CLSPN: variants seen among roughly 807,000 people sequenced by gnomAD.
CLSPN encodes claspin homolog.
CLSPN carries 85 observed loss-of-function variants against 156.3 expected under a neutral mutation model. The ratio of observed to expected loss-of-function variants is 0.54; its 90% CI spans 0.46 to 0.65. The LOEUF (loss-of-function observed/expected upper bound fraction) is 0.65. Ranked by LOEUF, CLSPN falls within the 30% of genes least tolerant of loss-of-function variation. The pLI is 0.00. For synonymous variants in CLSPN, 534 were observed against 542.4 expected, an observed-to-expected ratio of 0.98 and a Z score of 0.22; for missense variants, 1,407 against 1,554.9, an observed-to-expected ratio of 0.90 and a Z score of 1.60.
In CLSPN at chr1:35,758,801, C is replaced by CTTTTTTTT. The variant is rs34271691; in HGVS notation, c.1579+1533_1579+1540dup. Among the ~76,000 whole-genome samples, 17 of 138,294 alleles carry CTTTTTTTT rather than the reference C, an allele frequency of 1.2e-4. 1 individual carries two copies. The highest frequency in any genetic ancestry group is 1.7e-4 in the Non-Finnish European group (11 of 65,250). 90.7% of individuals were successfully genotyped at this position (138,294 alleles called of 152,430 possible). On this transcript the variant is annotated intron_variant, in intron 8 of 24. Coordinates refer to ENST00000318121, the MANE Select transcript of CLSPN (RefSeq NM_022111.4). ...AGTCATATAGTGCTTTTTTCTTTTT[C>CTTTTTTTT]TTTTTTTTTTTTTTTGAGACAGGAT...
intron 10 of CLSPN, among the ~76,000 whole-genome samples, chr1:35,750,214 T>C (rs1382785418): frequency 1.3e-5 from 2 of 152,062 alleles, no homozygotes; most frequent in African/African-American, 2.4e-5. Context: ...CTCAAGTTGC[T>C]GGGCATGGTG....
intron 1 of CLSPN, among the ~76,000 whole-genome samples, chr1:35,768,533 G>C (rs914035499): frequency 6.6e-6 from 1 of 151,594 alleles, no homozygotes; most frequent in African/African-American, 2.4e-5. Context: ...TCAGCCACCC[G>C]AGTAGCTGGG....
At chr1:35,741,707 G>A (rs1348098831) in intron 18 of CLSPN, among the ~76,000 whole-genome samples, 1 of 152,090 alleles carries the variant, frequency 6.6e-6, no homozygotes, top group Non-Finnish European at 1.5e-5. Flanking sequence ...AGGTGGGGTG[G>A]CTCACGCCTG....
At chr1:35,724,531 C>A (rs1292791778) in intron 24 of CLSPN, among the ~76,000 whole-genome samples, 1 of 152,222 alleles carries the variant, frequency 6.6e-6, no homozygotes, top group Non-Finnish European at 1.5e-5. Flanking sequence ...AAGCACGATC[C>A]TGGATTACAA....
Position 35,769,845 on chromosome 1 carries a change from A to C in CLSPN, c.24+2T>G. 6.3e-7 allele frequency: 1 copy of C among 1,598,090 alleles called. No homozygotes were observed. Among genetic ancestry groups the C allele is most frequent in the Admixed American group, 1.7e-5 (1 of 58,770 alleles). The stretch of plus-strand genomic sequence containing the variant: ...CCGTGGGGGGCGTGTGCATAAACTC[A>C]CCTCAGAACCCACCTCGCCTGTCAT... On this transcript the variant is annotated splice_donor_variant, in intron 1 of 24. Coordinates refer to ENST00000318121, the MANE Select transcript of CLSPN (RefSeq NM_022111.4). LOFTEE classifies it high-confidence loss of function.
chr1:35,743,518 G>A lies in CLSPN; in HGVS notation c.2979C>T (p.Asp993=), dbSNP rs367902796. ...GAAAGTCTCCAAATTCCTCCTCCTC[G>A]TCTTCCTCTTCCCTAAAATGTAAAT... ...GSFPTDKEEE[D]EEEEFGDFRL... Residue 993 remains aspartate, a synonymous_variant, in exon 17 of 25, where the codon GAC becomes GAT. Coordinates refer to ENST00000318121, the MANE Select transcript of CLSPN (RefSeq NM_022111.4). 38 of 1,612,308 alleles carry A rather than the reference G, an allele frequency of 2.4e-5. 1 individual carries two copies. The highest frequency in any genetic ancestry group is 9.4e-5 in the African/African-American group (7 of 74,772).
rs1270084208 is a variant in CLSPN, at chr1:35,734,308, T to C, written c.*2188A>G. On this transcript the variant is annotated 3_prime_UTR_variant, in exon 25 of 25. Coordinates refer to ENST00000318121, the MANE Select transcript of CLSPN (RefSeq NM_022111.4). ...CTACATACATATTAAAACATCTTTATACACATTTTCCCCATTATAAGATTA... is the reference window on the plus strand; with the variant it reads ...CTACATACATATTAAAACATCTTTACACACATTTTCCCCATTATAAGATTA... 3.0e-6 allele frequency: 3 copies of C among 984,822 alleles called. No individual in the cohort carries two copies. Among genetic ancestry groups the C allele is most frequent in the Admixed American group, 1.2e-4 (2 of 16,272 alleles). 61.0% of individuals were successfully genotyped at this position (984,822 alleles called of 1,614,324 possible). A position where few individuals can be genotyped will look rare whatever the true frequency, so the allele number is the denominator to read the frequency against.
chr1:35,746,513 G>C lies in CLSPN; in HGVS notation c.2854+253C>G, dbSNP rs1641886424. Reference sequence around the variant, plus strand: ...AGGCTCAAGAGATCCTCCCACCTCAGCCTCCCAAGTAGCTAGGACCACAGG... The same window carrying C: ...AGGCTCAAGAGATCCTCCCACCTCACCCTCCCAAGTAGCTAGGACCACAGG... On this transcript the variant is annotated intron_variant, in intron 15 of 24. Transcript: ENST00000318121. This position sits in a 1 kb window ranked among gnomAD's most constrained non-coding sequence, Gnocchi z 4.2. Among the ~76,000 whole-genome samples the C allele has an allele frequency of 6.6e-6, 1 of 151,036 alleles. No individual in the cohort carries two copies. Among genetic ancestry groups the C allele is most frequent in the African/African-American group, 2.4e-5 (1 of 41,052 alleles).
Position 35,733,764 on chromosome 1 carries a change from G to C in CLSPN, c.*2732C>G, listed in dbSNP as rs1641378990. ...AGGCCAAGGTGGGAGGATTACTTGA[G>C]GCCAGGAGTTCAAGATCAGCTGGGG... On this transcript the variant is annotated 3_prime_UTR_variant, in exon 25 of 25. Transcript: ENST00000318121. The C allele has an allele frequency of 1.2e-6, 1 of 867,696 alleles. No individual in the cohort carries two copies. The highest frequency in any genetic ancestry group is 1.8e-5 in the African/African-American group (1 of 54,698). The allele number at this position is 867,696 out of a possible 1,614,324, so 53.7% of individuals were successfully genotyped here.
At chr1:35,756,323 T>A (rs12046482) in intron 8 of CLSPN, among the ~76,000 whole-genome samples, 48,102 of 151,850 alleles carry the variant, frequency 0.32, 11,443 homozygotes, top group East Asian at 0.76. Context: ...AGAGAAATGG[T>A]TGGGTGGGAA....
At chr1:35,766,984 T>C (rs898994152) in intron 1 of CLSPN, among the ~76,000 whole-genome samples, 1 of 151,908 alleles carries the variant, frequency 6.6e-6, no homozygotes, top group Admixed American at 6.6e-5. Flanking sequence ...TGACCTCAGG[T>C]GATCCGCCTG....
chr1:35,769,839 A>C lies in CLSPN; in HGVS notation c.24+8T>G. On this transcript the variant is annotated splice_region_variant and intron_variant, in intron 1 of 24. Transcript: ENST00000318121. Reference sequence around the variant, plus strand: ...AAGCCCCCGTGGGGGGCGTGTGCATAAACTCACCTCAGAACCCACCTCGCC... The same window carrying C: ...AAGCCCCCGTGGGGGGCGTGTGCATCAACTCACCTCAGAACCCACCTCGCC... 6.2e-7 allele frequency: 1 copy of C among 1,600,302 alleles called. No homozygotes were observed. The highest frequency in any genetic ancestry group is 8.5e-7 in the Non-Finnish European group (1 of 1,173,154).
rs749568961 is a variant in CLSPN at position 35,736,927 on chromosome 1, G to A, written c.3896C>T (p.Ser1299Leu). 62 of 1,613,948 alleles carry A rather than the reference G, an allele frequency of 3.8e-5. No homozygotes were observed. Among genetic ancestry groups the A allele is most frequent in the East Asian group, 8.9e-5 (4 of 44,906 alleles). Reference protein sequence around the residue: ...SPVKAEAAKESSKSQVKKRGP... With the variant: ...SPVKAEAAKELSKSQVKKRGP... ...CAAATTCCATACCTGAGACTTAGAC[G>A]ATTCCTTTGCCGCCTCAGCCTTGAC... Residue 1299 changes from serine (S) to leucine (L), a missense_variant, in exon 24 of 25, where the codon TCG becomes TTG. Ser to Leu is a moderately radical substitution (Grantham distance 145, BLOSUM62 -2). Coordinates refer to ENST00000318121, the MANE Select transcript of CLSPN (RefSeq NM_022111.4).
At chr1:35,730,567 T>TAAAAAAAAAAAAAA (rs56320150), downstream of CLSPN, among the ~76,000 whole-genome samples, 1 of 62,028 alleles carries the variant, frequency 1.6e-5, no homozygotes. Flanking sequence ...GAATCCATAT[T>TAAAAAAAAAAAAAA]AAAAAAAAAA....
intron 1 of CLSPN, among the ~76,000 whole-genome samples, chr1:35,768,833 C>T (rs942410470): frequency 2.0e-5 from 3 of 152,152 alleles, no homozygotes; most frequent in Admixed American, 2.0e-4. Flanking sequence ...CGATTATCTT[C>T]TAGGCAATTT....
intron 2 of CLSPN, 32 bp downstream of exon 2, chr1:35,765,186 C>T (rs1393686015): frequency 6.5e-6 from 9 of 1,375,898 alleles, no homozygotes; most frequent in Non-Finnish European, 9.3e-6. Context: ...CTCCCGCAAC[C>T]TATTCCTAAA....
In CLSPN at chr1:35,732,245, TGG is replaced by T. The variant is rs1340874442; in HGVS notation, c.*4249_*4250del. 2.0e-6 allele frequency: 2 copies of T among 985,238 alleles called. No homozygotes were observed. Among genetic ancestry groups the T allele is most frequent in the Non-Finnish European group, 2.4e-6 (2 of 829,916 alleles). The allele number at this position is 985,238 out of a possible 1,614,324, so 61.0% of individuals were successfully genotyped here. A position where few individuals can be genotyped will look rare whatever the true frequency, so the allele number is the denominator to read the frequency against. On this transcript the variant is annotated 3_prime_UTR_variant, in exon 25 of 25. Coordinates refer to ENST00000318121, the MANE Select transcript of CLSPN (RefSeq NM_022111.4). The stretch of plus-strand genomic sequence containing the variant: ...AGGATGACATAATCAAATAGTATCA[TGG>T]GAACACTCCTCCCAGAAATACTCTC...
chr1:35,758,801 CTT>C (rs34271691), intron 8 of CLSPN, among the ~76,000 whole-genome samples: 5 of 138,272 alleles, frequency 3.6e-5, no homozygotes, highest in Admixed American at 1.5e-4. Flanking sequence ...TTTTCTTTTT[CTT>C]TTTTTTTTTT....
chr1:35,741,145 T>C (rs982947748), intron 18 of CLSPN, among the ~76,000 whole-genome samples: 3 of 152,072 alleles, frequency 2.0e-5, no homozygotes, highest in African/African-American at 7.2e-5. Context: ...AAAATGTTTC[T>C]GGATATGCTA....
Sources: allele counts gnomAD v4.1 joint callset (sites outside exome capture counted in the v4.1 genomes callset), GRCh38; gene constraint gnomAD v4.1.1; non-coding constraint Gnocchi (gnomAD v3.1); transcripts MANE v1.5; gene names NCBI Gene and HGNC (gene_info 2026-07-23, HGNC 2026-07-21).